The following CPSF1 variants were observed in gnomAD, a reference collection of about 807,000 sequenced individuals.
The protein encoded by CPSF1 is cleavage and polyadenylation specificity factor subunit 1.
In CPSF1, 106 loss-of-function variants were observed where a neutral mutation model predicts 175.8. The observed-to-expected ratio is 0.60, with a 90% CI of 0.52 to 0.71. CPSF1 has a LOEUF of 0.71. Among genes scored for constraint, CPSF1 ranks in the 30% least tolerant of loss-of-function variants. The probability of loss-of-function intolerance (pLI) is 0.00; values close to 1 mark genes in which losing one functional copy is unlikely to be tolerated. For synonymous variants in CPSF1, 1,024 were observed against 858.3 expected (o/e 1.19, Z -3.37); for missense variants, 1,734 against 2,022.9 (o/e 0.86, Z 2.74).
Position 144,396,631 on chromosome 8 carries a change from G to C in CPSF1, c.2793C>G (p.Phe931Leu). ...GAGARGRVAR[F>L]RYFEDIYGYS... The stretch of plus-strand genomic sequence containing the variant: ...AGCCATAAATATCCTCGAAGTAGCG[G>C]AAACGCGCCACGCGGCCCCGGGCCC... The change falls in exon 25 of 38, where the codon TTC (phenylalanine) becomes TTG (leucine). Residue 931 changes from phenylalanine to leucine, a missense_variant. This residue lies in a region of CPSF1 where 585 missense variants were observed against 584.7 expected (regional missense o/e 1.00). Transcript: ENST00000616140. The C allele has an allele frequency of 6.2e-7, 1 of 1,613,668 alleles. No individual in the cohort carries two copies. The highest frequency in any genetic ancestry group is 8.5e-7 in the Non-Finnish European group (1 of 1,179,978).
chr8:144,397,233 T>C lies in CPSF1; in HGVS notation c.2566A>G (p.Ser856Gly). 1 of 1,547,816 alleles carries C rather than the reference T, an allele frequency of 6.5e-7. No homozygotes were observed. Among genetic ancestry groups the C allele is most frequent in the South Asian group, 1.2e-5 (1 of 84,170 alleles). ...AGCAGGTAGGGCCTGCTCTGGCGGC[T>C]GCCCAGCGCCACCAGCAGCACCTCC... Reference protein sequence around the residue: ...VKEVLLVALGSRQSRPYLLVH... With the variant: ...VKEVLLVALGGRQSRPYLLVH... The change falls in exon 23 of 38, where the codon AGC becomes GGC. Residue 856 changes from serine to glycine, a missense_variant. By Grantham distance (56) the Ser-to-Gly change is moderately conservative. This residue lies in a region of CPSF1 where 585 missense variants were observed against 584.7 expected (regional missense o/e 1.00). Coordinates refer to ENST00000616140, the MANE Select transcript of CPSF1 (RefSeq NM_013291.3).
Position 144,398,777 on chromosome 8 carries a change from A to C in CPSF1, c.1638+2T>G, listed in dbSNP as rs1387764196. The C allele has an allele frequency of 2.5e-6, 4 of 1,595,042 alleles. No homozygotes were observed. In the African/African-American group the frequency reaches 5.4e-5, roughly 21 times the overall value. On this transcript the variant is annotated splice_donor_variant, in intron 17 of 37. Transcript: ENST00000616140. LOFTEE classifies it high-confidence loss of function. ...GCCTCCCTGCAGCAGGCTCGCACCT[A>C]CCTCCTCCTTACGCACCGGGGCGAT...
In CPSF1 at chr8:144,398,521, T is replaced by A. The variant is rs2116851836; in HGVS notation, c.1752+4A>T. 2.5e-6 allele frequency: 4 copies of A among 1,605,932 alleles called. No homozygotes were observed. Among genetic ancestry groups the A allele is most frequent in the Middle Eastern group, 3.3e-4 (2 of 6,048 alleles). ...GGTCCCAGGTCCCAGGCCCTGCCCC[T>A]CACCATGGTGGAGTCTTCCCGGCTC... On this transcript the variant is annotated splice_donor_region_variant and intron_variant, in intron 18 of 37. Coordinates refer to ENST00000616140, the MANE Select transcript of CPSF1 (RefSeq NM_013291.3).
intron 9 of CPSF1, 31 bp downstream of exon 9, chr8:144,400,135 G>GGGGGGGGGGCCCCCCC: frequency 2.2e-6 from 2 of 896,010 alleles, no homozygotes; most frequent in Non-Finnish European, 3.2e-6. Context: ...CCGTCCCCGG[G>GGGGGGGGGGCCCCCCC]CCCCCCCCGC....
Position 144,399,745 on chromosome 8 carries a change from G to A in CPSF1, c.1120-35C>T. On this transcript the variant is annotated intron_variant, in intron 11 of 37. Transcript: ENST00000616140. This position sits in a 1 kb window ranked among gnomAD's most constrained non-coding sequence, Gnocchi z 6.4. ...GGCAGGTGTGTGATGGCTGGGCCGG[G>A]TCTGGACCCAGACCCAACCCCTAGT... The A allele has an allele frequency of 3.1e-6, 5 of 1,598,810 alleles. No homozygotes were observed. In the South Asian group the frequency reaches 3.4e-5, roughly 11 times the overall value.
rs782097328 is a variant in CPSF1, at chr8:144,396,749, G to T, written c.2683-8C>A. ...GTTGATGTTGTGAGGGACCTGGGGG[G>T]GAACCATGCAGGTCCTCCAGGGGCT... is the stretch of plus-strand genomic sequence containing the variant. On this transcript the variant is annotated splice_region_variant and splice_polypyrimidine_tract_variant and intron_variant, in intron 24 of 37. Transcript: ENST00000616140. 1.2e-6 allele frequency: 2 copies of T among 1,613,824 alleles called. No individual in the cohort carries two copies. Among genetic ancestry groups the T allele is most frequent in the Admixed American group, 1.7e-5 (1 of 60,006 alleles).
chr8:144,400,135 G>GGCCCCCCCCCCCCCCCCCCCCCCCCCC, intron 9 of CPSF1, 31 bp downstream of exon 9: 43 of 895,940 alleles, frequency 4.8e-5, no homozygotes, highest in East Asian at 8.8e-5. Context: ...CCGTCCCCGG[G>GGCCCCCCCCCCCCCCCCCCCCCCCCCC]CCCCCCCCGC....
Position 144,398,449 on chromosome 8 carries a change from G to T in CPSF1, c.1753-6C>A. On this transcript the variant is annotated splice_region_variant and splice_polypyrimidine_tract_variant and intron_variant, in intron 18 of 37. Transcript: ENST00000616140. ...TCCTGCCCCGTCTGCAGGATCTGCG[G>T]GCGACAGCTGTGAGGGAGGCGCCCC... The T allele has an allele frequency of 6.2e-7, 1 of 1,613,720 alleles. No homozygotes were observed. The highest frequency in any genetic ancestry group is 8.5e-7 in the Non-Finnish European group (1 of 1,179,956).
chr8:144,398,354 G>A lies in CPSF1; in HGVS notation c.1842C>T (p.Asp614=). 1.9e-6 allele frequency: 3 copies of A among 1,551,558 alleles called. No homozygotes were observed. Among genetic ancestry groups the A allele is most frequent in the Non-Finnish European group, 2.6e-6 (3 of 1,142,956 alleles). The change falls in exon 19 of 38, where the codon GAC becomes GAT. Residue 614 remains aspartate (D), a synonymous_variant. Coordinates refer to ENST00000616140, the MANE Select transcript of CPSF1 (RefSeq NM_013291.3). ...GPTVFAGNIG[D]NRYIVQVSPL... ...GTGACACTTGGACAATGTAGCGGTT[G>A]TCCCCGATGTTCCCAGCAAAGACCG...
In CPSF1 at chr8:144,393,605, C is replaced by G. The variant is rs1448947767; in HGVS notation, c.4146-15G>C. 3 of 1,599,426 alleles carry G rather than the reference C, an allele frequency of 1.9e-6. No individual in the cohort carries two copies. Among genetic ancestry groups the G allele is most frequent in the South Asian group, 1.1e-5 (1 of 88,852 alleles). ...CGTGCAGCATCCTGGGGCGTACAGG[C>G]ACAGGTGTCAGGGCAGGCTGGGGTG... On this transcript the variant is annotated splice_polypyrimidine_tract_variant and intron_variant, in intron 36 of 37. Transcript: ENST00000616140.
chr8:144,400,572 C>T, intron 7 of CPSF1, 79 bp from the exon 8 acceptor site: 1 of 1,606,888 alleles, frequency 6.2e-7, no homozygotes, highest in Non-Finnish European at 8.5e-7. Context: ...GCAAGCCCCA[C>T]CACACCCCAT....
intron 2 of CPSF1, among the ~76,000 whole-genome samples, chr8:144,401,920 G>A (rs2116887867): frequency 7.2e-5 from 11 of 152,078 alleles, no homozygotes; most frequent in Non-Finnish European, 1.5e-4. Context: ...CCTACCTCAC[G>A]GCTCCCTAGC....
rs1185256449 is a variant in CPSF1, at chr8:144,394,288, G to A, written c.3757C>T (p.Leu1253=). Residue 1253 remains leucine, a synonymous_variant, in exon 33 of 38, where the codon CTG becomes TTG. Transcript: ENST00000616140. ...LSLVSRDAKP[L]EVYSVDFMVD... is the part of the protein sequence containing the mutation. The stretch of plus-strand genomic sequence containing the variant: ...ATGAAGTCCACGCTGTACACCTCCA[G>A]GGGCTTGGCATCCTGGGGGCGGGAA... 1.3e-6 allele frequency: 2 copies of A among 1,595,170 alleles called. No individual in the cohort carries two copies. Among genetic ancestry groups the A allele is most frequent in the Non-Finnish European group, 8.6e-7 (1 of 1,168,996 alleles).
In CPSF1 at chr8:144,397,966, G is replaced by A. The variant is rs1233603370; in HGVS notation, c.2061C>T (p.Pro687=). Residue 687 remains proline (P), a synonymous_variant, in exon 20 of 38, where the codon CCC becomes CCT. Coordinates refer to ENST00000616140, the MANE Select transcript of CPSF1 (RefSeq NM_013291.3). ...GRHHRLALHK[P]PLHHQSKVIT... is the part of the protein sequence containing the mutation. ...TGAGGGGGCCTACATGGTGCAGCGG[G>A]GGCTTGTGCAGCGCCAGGCGGTGGT... 6.2e-7 allele frequency: 1 copy of A among 1,609,030 alleles called. No homozygotes were observed. Among genetic ancestry groups the A allele is most frequent in the Non-Finnish European group, 8.5e-7 (1 of 1,178,878 alleles).
In CPSF1 at chr8:144,397,936, G is replaced by C. The variant is rs782302563; in HGVS notation, c.2073+18C>G. ...CAAGGGGCAGGGACAGGAGGGCGCCGGGAATGAGGGGGCCTACATGGTGCA... is the reference window on the plus strand; with the variant it reads ...CAAGGGGCAGGGACAGGAGGGCGCCCGGAATGAGGGGGCCTACATGGTGCA... On this transcript the variant is annotated intron_variant, in intron 20 of 37. Coordinates refer to ENST00000616140, the MANE Select transcript of CPSF1 (RefSeq NM_013291.3). 21 of 1,599,536 alleles carry C rather than the reference G, an allele frequency of 1.3e-5. No individual in the cohort carries two copies. Among genetic ancestry groups the C allele is most frequent in the Non-Finnish European group, 1.8e-5 (21 of 1,172,850 alleles).
At chr8:144,401,389 C>T in intron 4 of CPSF1, 41 bp downstream of exon 4, 1 of 1,612,688 alleles carries the variant, frequency 6.2e-7, no homozygotes, top group Non-Finnish European at 8.5e-7. Context: ...CACCCACTCC[C>T]ACGCCTTGGC....
rs144320651 is a variant in CPSF1, at chr8:144,400,484, G to T, written c.696C>A (p.Ala232=). The change falls in exon 8 of 38, where the codon GCC becomes GCA. Residue 232 remains alanine, a synonymous_variant. Transcript: ENST00000616140. ...EPNQTWPGRV[A]VRQDTCSIVA... ...CAATGGAGCACGTGTCCTGCCGCAC[G>T]GCCACGCGCCTGGGGACGCCAGTGG... 9.3e-6 allele frequency: 15 copies of T among 1,612,714 alleles called. No individual in the cohort carries two copies. The Admixed American group carries it at 2.5e-4, about 27-fold the overall frequency.
chr8:144,393,984 C>T lies in CPSF1; in HGVS notation c.3914G>A (p.Gly1305Asp). Residue 1305 changes from glycine (G) to aspartate (D), a missense_variant, in exon 35 of 38, where the codon GGT becomes GAT. Around this residue, in one of 10 missense-constraint regions of CPSF1, gnomAD observed 323 missense variants for 338.5 expected, o/e 0.95. Transcript: ENST00000616140. ...RLLRRADFHVGAHVNTFWRTP... is the reference protein window; with the variant it reads ...RLLRRADFHVDAHVNTFWRTP... ...CCTCCAGAACGTGTTCACGTGGGCA[C>T]CCACGTGGAAGTCTGCCCGACGCAG... is the stretch of plus-strand genomic sequence containing the variant. 1 of 1,613,542 alleles carries T rather than the reference C, an allele frequency of 6.2e-7. No homozygotes were observed. Among genetic ancestry groups the T allele is most frequent in the Non-Finnish European group, 8.5e-7 (1 of 1,179,838 alleles).
chr8:144,399,810 T>C lies in CPSF1; in HGVS notation c.1090A>G (p.Lys364Glu), dbSNP rs2116866503. 6.4e-7 allele frequency: 1 copy of C among 1,561,164 alleles called. No individual in the cohort carries two copies. ...MRSVRAFHFD[K>E]AAASVLTTSM... is the part of the protein sequence containing the mutation. ...GTGGTGAGGACGCTGGCGGCCGCCT[T>C]GTCAAAGTGGAACGCTCGGACACTG... Residue 364 changes from lysine (K) to glutamate (E), a missense_variant, in exon 11 of 38, where the codon AAG becomes GAG. Physicochemically the swap from Lys to Glu is moderately conservative, Grantham distance 56. Coordinates refer to ENST00000616140, the MANE Select transcript of CPSF1 (RefSeq NM_013291.3). This position sits in a 1 kb window ranked among gnomAD's most constrained non-coding sequence, Gnocchi z 6.4.
Sources: allele counts gnomAD v4.1 joint callset (sites outside exome capture counted in the v4.1 genomes callset), GRCh38; gene constraint gnomAD v4.1.1; regional missense constraint gnomAD v4.1.1; non-coding constraint Gnocchi (gnomAD v3.1); transcripts MANE v1.5; gene names NCBI Gene and HGNC (gene_info 2026-07-23, HGNC 2026-07-21).